BABAM2: variants seen among roughly 807,000 people sequenced by gnomAD.
BABAM2 encodes BRISC and BRCA1 A complex member 2.
In BABAM2, 31 loss-of-function variants were observed where a neutral mutation model predicts 54.7. The observed-to-expected ratio is 0.57, with a 90% CI of 0.43 to 0.77. The LOEUF (loss-of-function observed/expected upper bound fraction) is 0.77, where lower values mean the gene tolerates loss of function less well. Ranked by LOEUF, BABAM2 falls within the 30% of genes least tolerant of loss-of-function variation. The pLI is 0.00. For synonymous variants in BABAM2, 167 were observed against 162.9 expected, an observed-to-expected ratio of 1.03 and a Z score of -0.19; for missense variants, 364 against 455.8, an observed-to-expected ratio of 0.80 and a Z score of 1.83.
intron 1 of BABAM2, among the ~76,000 whole-genome samples, chr2:27,892,090 G>A (rs776322273): frequency 6.6e-6 from 1 of 152,168 alleles, no homozygotes; most frequent in Non-Finnish European, 1.5e-5. Flanking sequence ...GGTGATAGAA[G>A]TTATCAATGT....
intron 2 of BABAM2, among the ~76,000 whole-genome samples, chr2:27,905,657 A>G (rs1666138911): frequency 6.6e-6 from 1 of 152,186 alleles, no homozygotes; most frequent in Non-Finnish European, 1.5e-5. Context: ...GGGAGTCTAT[A>G]AAGAGTGTCC....
intron 2 of BABAM2, among the ~76,000 whole-genome samples, chr2:27,918,899 A>C (rs1219489853): frequency 6.6e-6 from 1 of 152,150 alleles, no homozygotes; most frequent in East Asian, 1.9e-4. Flanking sequence ...CATGTTGCCC[A>C]GGCTGGTCTT....
chr2:28,067,051 C>A (rs1663659644), intron 6 of BABAM2, among the ~76,000 whole-genome samples: 3 of 152,216 alleles, frequency 2.0e-5, no homozygotes, highest in Non-Finnish European at 2.9e-5. Context: ...CCTGCCTCAG[C>A]CTCCTGAATA....
chr2:28,304,637 C>T lies in BABAM2; in HGVS notation c.1088+6146C>T, dbSNP rs1184403265. 1.3e-5 allele frequency among the ~76,000 whole-genome samples: 2 copies of T among 151,872 alleles called. No homozygotes were observed. The highest frequency in any genetic ancestry group is 2.9e-5 in the Non-Finnish European group (2 of 67,984). On this transcript the variant is annotated intron_variant, in intron 11 of 11. Coordinates refer to ENST00000379624, the MANE Select transcript of BABAM2 (RefSeq NM_199191.3). This position sits in a 1 kb window ranked among gnomAD's most constrained non-coding sequence, Gnocchi z 4.0. ...TGTCACCCAGGCTGGAATGCAGTGG[C>T]ATTATCTTGGCTCACTGCAACCTCA...
chr2:27,899,285 T>C (rs986439079), intron 2 of BABAM2, among the ~76,000 whole-genome samples: 6 of 152,294 alleles, frequency 3.9e-5, no homozygotes, highest in Non-Finnish European at 5.9e-5. Flanking sequence ...TAAAGTGATA[T>C]CAACCTGAAA....
At chr2:28,157,144 G>T (rs561276974) in intron 7 of BABAM2, among the ~76,000 whole-genome samples, 1 of 152,166 alleles carries the variant, frequency 6.6e-6, no homozygotes, top group South Asian at 2.1e-4. Context: ...CTCTAATCTT[G>T]ACTGGGAAAG....
rs1424647759 is a variant in BABAM2 at position 28,085,798 on chromosome 2, A to G, written c.570+39999A>G. Among the ~76,000 whole-genome samples the G allele has an allele frequency of 3.9e-5, 6 of 152,272 alleles. No homozygotes were observed. In the South Asian group the frequency reaches 8.3e-4, roughly 21 times the overall value. ...AAAATTCATACCAAAGCATTTTAAT[A>G]TATGGCAGTTTTAATATTTTGGCAT... On this transcript the variant is annotated intron_variant, in intron 6 of 11. Transcript: ENST00000379624.
At chr2:28,252,916 C>T (rs866002005) in intron 10 of BABAM2, among the ~76,000 whole-genome samples, 2 of 152,200 alleles carry the variant, frequency 1.3e-5, no homozygotes, top group African/African-American at 4.8e-5. Flanking sequence ...AACTGTAACT[C>T]AAGAAGTCAT....
At chr2:28,019,170 G>A (rs896846812) in intron 4 of BABAM2, among the ~76,000 whole-genome samples, 2 of 152,138 alleles carry the variant, frequency 1.3e-5, no homozygotes, top group African/African-American at 4.8e-5. Flanking sequence ...TCCCTGAAAA[G>A]GACATGAACT....
intron 6 of BABAM2, among the ~76,000 whole-genome samples, chr2:28,083,113 T>A (rs1464593947): frequency 1.3e-5 from 2 of 152,136 alleles, no homozygotes; most frequent in Non-Finnish European, 2.9e-5. Flanking sequence ...TCCCCACCTT[T>A]CCTTTTTGCT....
At chr2:28,289,450 C>A (rs187837428) in intron 10 of BABAM2, among the ~76,000 whole-genome samples, 9 of 152,266 alleles carry the variant, frequency 5.9e-5, no homozygotes, top group African/African-American at 1.9e-4. Flanking sequence ...TTAATCAAAT[C>A]TTCATAATTT....
Position 28,068,327 on chromosome 2 carries a change from C to T in BABAM2, c.570+22528C>T, listed in dbSNP as rs146020263. On this transcript the variant is annotated intron_variant, in intron 6 of 11. Coordinates refer to ENST00000379624, the MANE Select transcript of BABAM2 (RefSeq NM_199191.3). ...AAAATACAAGTTCTAACAATCCTAA[C>T]CATAAATCAGAATCAAAGCATGCAG... Among the ~76,000 whole-genome samples the T allele has an allele frequency of 5.7e-3, 866 of 152,270 alleles. 14 individuals are homozygous for T. The highest frequency in any genetic ancestry group is 0.02 in the African/African-American group (821 of 41,538).
At chr2:27,947,305 A>G (rs1439730312) in intron 3 of BABAM2, among the ~76,000 whole-genome samples, 4 of 151,944 alleles carry the variant, frequency 2.6e-5, no homozygotes, top group Non-Finnish European at 2.9e-5. Context: ...GCTATATGTC[A>G]TTGTTTGATT....
Position 28,020,952 on chromosome 2 carries a change from GACACAC to G in BABAM2, c.301-4240_301-4235del, listed in dbSNP as rs57086132. Among the ~76,000 whole-genome samples, 541 of 144,496 alleles carry G rather than the reference GACACAC, an allele frequency of 3.7e-3. 5 individuals are homozygous for G. The highest frequency in any genetic ancestry group is 0.01 in the Middle Eastern group (3 of 288). 94.8% of individuals were successfully genotyped at this position (144,496 alleles called of 152,430 possible). A position where few individuals can be genotyped will look rare whatever the true frequency, so the allele number is the denominator to read the frequency against. On this transcript the variant is annotated intron_variant, in intron 4 of 11. Coordinates refer to ENST00000379624, the MANE Select transcript of BABAM2 (RefSeq NM_199191.3). ...CATTTCTAAGACTCTCTGTCTCTCT[GACACAC>G]ACACACACACACACACACACACACA...
intron 5 of BABAM2, among the ~76,000 whole-genome samples, chr2:28,038,759 C>T (rs1418305149): frequency 6.6e-6 from 1 of 151,990 alleles, no homozygotes; most frequent in African/African-American, 2.4e-5. Context: ...GTATATGTAC[C>T]ACATTTTAAA....
At chr2:28,265,991 C>CTT (rs893551967) in intron 10 of BABAM2, among the ~76,000 whole-genome samples, 1 of 145,724 alleles carries the variant, frequency 6.9e-6, no homozygotes, top group African/African-American at 2.5e-5. Context: ...TAGTTTTCTT[C>CTT]TTTTTTTTTT....
At chr2:28,212,312 C>T (rs1679537515) in intron 7 of BABAM2, among the ~76,000 whole-genome samples, 1 of 152,182 alleles carries the variant, frequency 6.6e-6, no homozygotes, top group Non-Finnish European at 1.5e-5. Flanking sequence ...GTTCATTGGG[C>T]TATGCTTTGT....
rs573372077 is a variant in BABAM2, at chr2:27,912,715, G to A, written c.129-17117G>A. Among the ~76,000 whole-genome samples, 16 of 152,306 alleles carry A rather than the reference G, an allele frequency of 1.1e-4. No individual in the cohort carries two copies. In the South Asian group the frequency reaches 3.3e-3, roughly 32 times the overall value. On this transcript the variant is annotated intron_variant, in intron 2 of 11. Coordinates refer to ENST00000379624, the MANE Select transcript of BABAM2 (RefSeq NM_199191.3). ...GATTATGCCAGCAGTCATGTTGCAA[G>A]ATTGGATGACCCCTTCAAACTGGCT...
intron 7 of BABAM2, among the ~76,000 whole-genome samples, chr2:28,234,322 C>T (rs959490043): frequency 1.3e-5 from 2 of 152,036 alleles, no homozygotes; most frequent in East Asian, 1.9e-4. Flanking sequence ...AAGCAGGGTG[C>T]GGAAACATGG....
Sources: gnomAD v4.1 joint callset for allele counts (sites outside exome capture counted in the v4.1 genomes callset) on GRCh38, gnomAD v4.1.1 for gene constraint, Gnocchi (gnomAD v3.1) non-coding constraint, MANE v1.5 for transcripts, NCBI Gene and HGNC (gene_info 2026-07-23, HGNC 2026-07-21) for gene names.